TSG101: variants seen among roughly 807,000 people sequenced by gnomAD.
TSG101 encodes the protein tumor susceptibility gene 101 protein.
TSG101 carries 19 observed loss-of-function variants against 48.5 expected under a neutral mutation model. The ratio of observed to expected loss-of-function variants is 0.39; its 90% confidence interval spans 0.27 to 0.58. The LOEUF is 0.58. TSG101 is among the 20% of genes least tolerant of loss of function. The pLI, the probability that TSG101 is intolerant of heterozygous loss-of-function variation, is 0.55. For synonymous variants in TSG101, 174 were observed against 169.4 expected, an observed-to-expected ratio of 1.03 and a Z score of -0.21; for missense variants, 365 against 484.4, an observed-to-expected ratio of 0.75 and a Z score of 2.31.
chr11:18,489,828 A>T (rs1313700909), intron 7 of TSG101, among the ~76,000 whole-genome samples: 1 of 152,192 alleles, frequency 6.6e-6, no homozygotes, highest in Non-Finnish European at 1.5e-5. Context: ...TCATAATATA[A>T]TCTCTATAAC....
intron 4 of TSG101, among the ~76,000 whole-genome samples, chr11:18,513,794 G>A (rs1850125617): frequency 6.6e-6 from 1 of 152,144 alleles, no homozygotes; most frequent in African/African-American, 2.4e-5. Flanking sequence ...AAGTAAGTAG[G>A]CTGGGCATGG....
chr11:18,481,270 T>C, intron 9 of TSG101: 1 of 984,806 alleles, frequency 1.0e-6, no homozygotes, highest in Non-Finnish European at 1.2e-6. Context: ...AATTAACAGA[T>C]AAAAAATGGA....
intron 7 of TSG101, among the ~76,000 whole-genome samples, chr11:18,499,788 T>C (rs370128455): frequency 2.6e-5 from 4 of 152,096 alleles, no homozygotes; most frequent in South Asian, 2.1e-4. Context: ...CTGCACGGAA[T>C]GTAATGTTCA....
At position 18,481,842 on chromosome 11, in the gene TSG101, A is replaced by G. The variant is rs1290109916; in HGVS notation, c.871T>C (p.Leu291=). Residue 291 remains leucine, a synonymous_variant, in exon 9 of 10, where the codon TTG becomes CTG. Transcript: ENST00000251968. ...CTGAGTTCTTCATCCTTCTTTTTCAAAAGTTCTATGTTTTTATCAACCTCG... is the reference window on the plus strand; with the variant it reads ...CTGAGTTCTTCATCCTTCTTTTTCAGAAGTTCTATGTTTTTATCAACCTCG... ...VAEVDKNIEL[L]KKKDEELSSA... 1 of 1,613,700 alleles carries G rather than the reference A, an allele frequency of 6.2e-7. No homozygotes were observed. The highest frequency in any genetic ancestry group is 8.5e-7 in the Non-Finnish European group (1 of 1,180,026).
At position 18,514,687 on chromosome 11, in the gene TSG101, T is replaced by A. The variant is rs1049867581; in HGVS notation, c.348A>T (p.Glu116Asp). 5 of 1,572,224 alleles carry A rather than the reference T, an allele frequency of 3.2e-6. No individual in the cohort carries two copies. The highest frequency in any genetic ancestry group is 3.4e-6 in the Non-Finnish European group (4 of 1,167,410). The change falls in exon 4 of 10, where the codon GAA becomes GAT. Residue 116 changes from glutamate (E) to aspartate (D), a missense_variant. Transcript: ENST00000251968. The stretch of plus-strand genomic sequence containing the variant: ...CACTATGAATACTTACGTGTTTCCA[T>A]TCATGTAGATAAGGAAGATATATCT... ...NGKIYLPYLH[E>D]WKHPQSDLLG...
At chr11:18,517,536 T>G (rs1263098720) in intron 2 of TSG101, among the ~76,000 whole-genome samples, 1 of 152,212 alleles carries the variant, frequency 6.6e-6, no homozygotes, top group Non-Finnish European at 1.5e-5. Flanking sequence ...TACAATGGAC[T>G]GCACATAAGA....
rs116918649 is a variant in TSG101, at chr11:18,508,213, T to C, written c.482-1290A>G. ...ACAAAGGTAATGAGACTAGGAAATA[T>C]TTGATATCTTTTTTTTTTTTTTTTT... is the stretch of plus-strand genomic sequence containing the variant. On this transcript the variant is annotated intron_variant, in intron 5 of 9. Coordinates refer to ENST00000251968, the MANE Select transcript of TSG101 (RefSeq NM_006292.4). Among the ~76,000 whole-genome samples, 15 of 150,754 alleles carry C rather than the reference T, an allele frequency of 9.9e-5. No homozygotes were observed. In the East Asian group the frequency reaches 2.9e-3, roughly 29 times the overall value.
At position 18,483,948 on chromosome 11, in the gene TSG101, G is replaced by A; in HGVS notation, c.765C>T (p.Ala255=). 1 of 1,614,152 alleles carries A rather than the reference G, an allele frequency of 6.2e-7. No individual in the cohort carries two copies. The highest frequency in any genetic ancestry group is 2.2e-5 in the East Asian group (1 of 44,880). Reference sequence around the variant, plus strand: ...TCAGGTCTTCTTCTGTTCGTTTCAAGGCATTGAGCTCTGCCTGGGCACGAT... The same window carrying A: ...TCAGGTCTTCTTCTGTTCGTTTCAAAGCATTGAGCTCTGCCTGGGCACGAT... ...EMDRAQAELN[A]LKRTEEDLKK... is the part of the protein sequence containing the mutation. The change falls in exon 8 of 10, where the codon GCC becomes GCT. Residue 255 remains alanine (A), a synonymous_variant. Transcript: ENST00000251968.
intron 4 of TSG101, among the ~76,000 whole-genome samples, chr11:18,510,165 A>C (rs562727129): frequency 1.3e-5 from 2 of 152,368 alleles, no homozygotes; most frequent in South Asian, 4.1e-4. Flanking sequence ...TCACACCTGT[A>C]ATCCCAGCAC....
chr11:18,503,111 A>C (rs1849914925), intron 6 of TSG101, among the ~76,000 whole-genome samples: 1 of 152,162 alleles, frequency 6.6e-6, no homozygotes, highest in African/African-American at 2.4e-5. Context: ...TATTCGTATC[A>C]AAGTCAGAGG....
intron 7 of TSG101, chr11:18,490,116 T>C (rs1849677752): frequency 5.6e-6 from 1 of 179,890 alleles, no homozygotes; most frequent in Admixed American, 5.9e-5. Flanking sequence ...TGAACCATTT[T>C]TGCTAGGCTG....
Position 18,516,170 on chromosome 11 carries a change from A to G in TSG101, c.128-6T>C. ...GGAACTGCCATCGTTAAAAACTGAAAGGAAAGAACAATGATTTAATCATGA... is the reference window on the plus strand; with the variant it reads ...GGAACTGCCATCGTTAAAAACTGAAGGGAAAGAACAATGATTTAATCATGA... On this transcript the variant is annotated splice_region_variant and splice_polypyrimidine_tract_variant and intron_variant, in intron 2 of 9. Coordinates refer to ENST00000251968, the MANE Select transcript of TSG101 (RefSeq NM_006292.4). 1 of 1,613,254 alleles carries G rather than the reference A, an allele frequency of 6.2e-7. No homozygotes were observed. The highest frequency in any genetic ancestry group is 1.3e-5 in the African/African-American group (1 of 75,030).
intron 7 of TSG101, among the ~76,000 whole-genome samples, chr11:18,497,224 A>G (rs1259539995): frequency 2.0e-5 from 3 of 152,210 alleles, no homozygotes; most frequent in African/African-American, 4.8e-5. Flanking sequence ...TAATATCTAA[A>G]TGATACTTTT....
At chr11:18,519,459 C>T (rs1447866561) in intron 2 of TSG101, 60 bp downstream of exon 2, 11 of 1,360,326 alleles carry the variant, frequency 8.1e-6, no homozygotes, top group Non-Finnish European at 1.1e-5. Context: ...AAATTACAAT[C>T]ATTAACAAAG....
chr11:18,495,874 A>G (rs1242583963), intron 7 of TSG101, among the ~76,000 whole-genome samples: 3 of 151,492 alleles, frequency 2.0e-5, no homozygotes, highest in Non-Finnish European at 4.4e-5. Flanking sequence ...CAGTGAGCTG[A>G]GATTGCATCA....
intron 6 of TSG101, among the ~76,000 whole-genome samples, chr11:18,505,553 T>C (rs1849956229): frequency 6.6e-6 from 1 of 152,050 alleles, no homozygotes; most frequent in African/African-American, 2.4e-5. Context: ...ATAGACCACC[T>C]TTGGAGAGTA....
intron 7 of TSG101, among the ~76,000 whole-genome samples, chr11:18,485,299 T>C (rs1019025389): frequency 6.6e-5 from 10 of 152,212 alleles, no homozygotes; most frequent in Non-Finnish European, 1.5e-5. Context: ...CCATTAACCA[T>C]AATTCCCAAA....
At chr11:18,482,258 G>T (rs962814782) in intron 8 of TSG101, among the ~76,000 whole-genome samples, 2 of 152,204 alleles carry the variant, frequency 1.3e-5, no homozygotes, top group East Asian at 1.9e-4. Context: ...ACTTTCCTCA[G>T]TCTATGAAGA....
At chr11:18,504,486 A>C (rs1342771933) in intron 6 of TSG101, among the ~76,000 whole-genome samples, 3 of 152,184 alleles carry the variant, frequency 2.0e-5, no homozygotes, top group African/African-American at 7.2e-5. Context: ...TACTGAACAC[A>C]GTACTTTTGT....
Sources: allele counts gnomAD v4.1 joint callset (sites outside exome capture counted in the v4.1 genomes callset), GRCh38; gene constraint gnomAD v4.1.1; transcripts MANE v1.5; gene names NCBI Gene and HGNC (gene_info 2026-07-23, HGNC 2026-07-21).